COL4A3: variants seen among roughly 807,000 people sequenced by gnomAD.
COL4A3 encodes collagen alpha-3(IV) chain.
A neutral mutation model predicts 217.4 loss-of-function variants in COL4A3; 135 were observed. The ratio of observed to expected loss-of-function variants is 0.62; its 90% CI spans 0.54 to 0.72. COL4A3 has a LOEUF of 0.72. Among genes scored for constraint, COL4A3 ranks in the 30% least tolerant of loss-of-function variants. The pLI is 0.00. For missense variants in COL4A3, 1,868 were observed against 2,119.9 expected (o/e 0.88, Z 2.33); for synonymous variants, 690 against 736.3 (o/e 0.94, Z 1.02).
At chr2:227,244,825 T>G (rs1263776043) in intron 4 of COL4A3, 126 bp from the exon 5 acceptor site, 2 of 972,840 alleles carry the variant, frequency 2.1e-6, no homozygotes, top group South Asian at 2.6e-5. Flanking sequence ...CCCAATCGTT[T>G]CGAGCTATTC....
rs1196840337 is a variant in COL4A3, at chr2:227,290,701, T to A, written c.3071-46T>A. 2.5e-6 allele frequency: 4 copies of A among 1,595,612 alleles called. No homozygotes were observed. The African/African-American group carries it at 5.4e-5, about 21-fold the overall frequency. On this transcript the variant is annotated intron_variant, in intron 36 of 51. Transcript: ENST00000396578. ...AACTGAAAAGTAGAAAACTTCAAGATCCTCATGTTTATCTATTTTACTCTA... is the reference window on the plus strand; with the variant it reads ...AACTGAAAAGTAGAAAACTTCAAGAACCTCATGTTTATCTATTTTACTCTA...
At chr2:227,307,997 T>A in intron 48 of COL4A3, 78 bp downstream of exon 48, 1 of 1,308,682 alleles carries the variant, frequency 7.6e-7, no homozygotes, top group Admixed American at 1.8e-5. Context: ...GATGCTTCCC[T>A]CTGAAGTTAA....
intron 43 of COL4A3, among the ~76,000 whole-genome samples, chr2:227,299,598 G>C (rs2073190524): frequency 6.6e-6 from 1 of 152,202 alleles, no homozygotes; most frequent in Non-Finnish European, 1.5e-5. Flanking sequence ...CTTATCGTTA[G>C]TACAAGAGTA....
intron 24 of COL4A3, among the ~76,000 whole-genome samples, 195 bp downstream of exon 24, chr2:227,270,175 T>A (rs193090796): frequency 6.6e-6 from 1 of 152,202 alleles, no homozygotes; most frequent in Non-Finnish European, 1.5e-5. Context: ...TGAAATGGTA[T>A]CAGAAACAGA....
intron 1 of COL4A3, among the ~76,000 whole-genome samples, chr2:227,226,470 G>A (rs1325509037): frequency 8.1e-6 from 1 of 123,368 alleles, no homozygotes; most frequent in South Asian, 2.7e-4. Flanking sequence ...TCTAATGTTA[G>A]GTTTGTTTTT....
At chr2:227,193,731 A>G (rs867046979) in intron 1 of COL4A3, among the ~76,000 whole-genome samples, 4 of 59,574 alleles carry the variant, frequency 6.7e-5, no homozygotes, top group Admixed American at 1.7e-4. Context: ...GAAAGAAGGA[A>G]GGAGGGAGGG....
intron 1 of COL4A3, among the ~76,000 whole-genome samples, chr2:227,180,574 C>T (rs1300083600): frequency 6.6e-6 from 1 of 152,142 alleles, no homozygotes; most frequent in African/African-American, 2.4e-5. Flanking sequence ...GCAGTAAGAA[C>T]CCTTCATCAT....
intron 36 of COL4A3, among the ~76,000 whole-genome samples, chr2:227,290,410 G>A (rs1220750517): frequency 6.6e-6 from 1 of 152,140 alleles, no homozygotes; most frequent in African/African-American, 2.4e-5. Context: ...TGAGGCAGGA[G>A]AATCGCTTGA....
At chr2:227,271,234 C>T (rs961221663) in intron 25 of COL4A3, among the ~76,000 whole-genome samples, 2 of 151,984 alleles carry the variant, frequency 1.3e-5, no homozygotes, top group Non-Finnish European at 2.9e-5. Context: ...TCAAATGAGT[C>T]TATGGAAAAG....
intron 40 of COL4A3, 56 bp downstream of exon 40, chr2:227,295,118 G>GT: frequency 6.5e-7 from 1 of 1,541,716 alleles, no homozygotes; most frequent in South Asian, 1.1e-5. Context: ...AGAATCATTA[G>GT]TAACAGTGTA....
At chr2:227,290,190 C>T (rs2072599182) in intron 36 of COL4A3, 102 bp downstream of exon 36, 4 of 1,158,258 alleles carry the variant, frequency 3.5e-6, no homozygotes, top group Admixed American at 3.7e-5. Context: ...TGGTAGAAAG[C>T]TTATATTAAA....
chr2:227,221,335 C>T (rs1223794703), intron 1 of COL4A3: 2 of 152,186 alleles, frequency 1.3e-5, no homozygotes, highest in Non-Finnish European at 2.9e-5. Flanking sequence ...ACCCACAATT[C>T]CTTTATCCAT....
At chr2:227,248,392 G>A (rs766778471) in intron 8 of COL4A3, 51 bp from the exon 9 acceptor site, 4 of 1,169,662 alleles carry the variant, frequency 3.4e-6, no homozygotes, top group South Asian at 1.2e-5. Flanking sequence ...ACTTGAAGGG[G>A]TTTTGAAAAT....
intron 1 of COL4A3, among the ~76,000 whole-genome samples, chr2:227,172,417 C>T (rs1446495383): frequency 6.6e-6 from 1 of 151,992 alleles, no homozygotes; most frequent in Non-Finnish European, 1.5e-5. Context: ...CTGCTGACCT[C>T]TCATTATATC....
chr2:227,238,897 C>T (rs764013910), intron 2 of COL4A3, among the ~76,000 whole-genome samples: 3 of 152,132 alleles, frequency 2.0e-5, no homozygotes, highest in Non-Finnish European at 4.4e-5. Flanking sequence ...ATTCAAGAAG[C>T]ATTTATTGAG....
Position 227,164,755 on chromosome 2 carries a change from AGGTGCTCCTGCTGCCGCTCCTGCT to A in COL4A3, c.40_63del (p.Leu14_Leu21del), listed in dbSNP as rs876657397. 5.6e-5 allele frequency: 85 copies of A among 1,525,760 alleles called. No individual in the cohort carries two copies. The highest frequency in any genetic ancestry group is 1.2e-4 in the Admixed American group (6 of 50,614). 94.5% of individuals were successfully genotyped at this position (1,525,760 alleles called of 1,614,324 possible). The stretch of plus-strand genomic sequence containing the variant: ...AGCGCCCGGACCGCCCCCAGGCCGC[AGGTGCTCCTGCTGCCGCTCCTGCT>A]GGTGCTCCTGGCGGCGGCGCCCGCA... On this transcript the variant is annotated inframe_deletion, in exon 1 of 52. Coordinates refer to ENST00000396578, the MANE Select transcript of COL4A3 (RefSeq NM_000091.5). The surrounding 1 kb of genome is among the most constrained non-coding windows in gnomAD (Gnocchi z 4.8).
rs191307021 is a variant in COL4A3 at position 227,174,705 on chromosome 2, C to T, written c.87+9892C>T. On this transcript the variant is annotated intron_variant, in intron 1 of 51. Coordinates refer to ENST00000396578, the MANE Select transcript of COL4A3 (RefSeq NM_000091.5). ...TATTTTTAGAAGAGACGGGGTCTCACCATGTTGGTCAGGCTGGTCTTGAAC... is the reference window on the plus strand; with the variant it reads ...TATTTTTAGAAGAGACGGGGTCTCATCATGTTGGTCAGGCTGGTCTTGAAC... 2.0e-5 allele frequency among the ~76,000 whole-genome samples: 3 copies of T among 152,182 alleles called. No homozygotes were observed. The East Asian group carries it at 5.8e-4, about 29-fold the overall frequency.
intron 1 of COL4A3, among the ~76,000 whole-genome samples, chr2:227,197,085 A>AC (rs61497393): frequency 0.2 from 29,872 of 152,098 alleles, 3,067 homozygotes; most frequent in South Asian, 0.26. Flanking sequence ...GCCATGTAAG[A>AC]TGTGCCTTTC....
At chr2:227,214,590 G>T (rs376308305) in intron 1 of COL4A3, among the ~76,000 whole-genome samples, 86 of 152,168 alleles carry the variant, frequency 5.7e-4, no homozygotes, top group African/African-American at 2.0e-3. Flanking sequence ...TTATTCCTTA[G>T]GCCAGAGCCT....
Sources: allele counts gnomAD v4.1 joint callset (sites outside exome capture counted in the v4.1 genomes callset), GRCh38; gene constraint gnomAD v4.1.1; non-coding constraint Gnocchi (gnomAD v3.1); transcripts MANE v1.5; gene names NCBI Gene and HGNC (gene_info 2026-07-23, HGNC 2026-07-21).